Variants in EIF4ENIF1 observed in about 807,000 individuals in gnomAD.
EIF4ENIF1 encodes the protein eukaryotic translation initiation factor 4E transporter.
EIF4ENIF1 carries 23 observed loss-of-function variants against 110.5 expected under a neutral mutation model. The ratio of observed to expected loss-of-function variants is 0.21; its 90% CI spans 0.15 to 0.29. EIF4ENIF1 has a LOEUF of 0.29. Ranked by LOEUF, EIF4ENIF1 falls within the 10% of genes least tolerant of loss-of-function variation. The pLI, the probability that EIF4ENIF1 is intolerant of heterozygous loss-of-function variation, is 1.00. For missense variants in EIF4ENIF1, 1,031 were observed against 1,221.1 expected (o/e 0.84, Z 2.32); for synonymous variants, 440 against 437.0 (o/e 1.01, Z -0.09).
chr22:31,456,046 A>C lies in EIF4ENIF1; in HGVS notation c.964-59T>G. ...TAGATGAAAAAGGACAAGAAGGTTT[A>C]AATCTTATGAAAGGGTCACTTACTT... On this transcript the variant is annotated intron_variant, in intron 7 of 18. Coordinates refer to ENST00000330125, the MANE Select transcript of EIF4ENIF1 (RefSeq NM_019843.4). 3.8e-6 allele frequency: 6 copies of C among 1,563,804 alleles called. No homozygotes were observed. In the South Asian group the frequency reaches 6.9e-5, roughly 18 times the overall value.
intron 10 of EIF4ENIF1, chr22:31,450,889 ACAC>A: frequency 1.3e-5 from 2 of 159,682 alleles, no homozygotes; most frequent in Middle Eastern, 6.3e-3. Flanking sequence ...ACACACACAC[ACAC>A]ACAAAAGAGA....
Position 31,463,624 on chromosome 22 carries a change from C to T in EIF4ENIF1, c.585+57G>A, listed in dbSNP as rs1163825889. ...TCGTGCCATTGCACTCCAGCCTGGGCAACAAGAGCGAAACTCCGTCTCAAT... is the reference window on the plus strand; with the variant it reads ...TCGTGCCATTGCACTCCAGCCTGGGTAACAAGAGCGAAACTCCGTCTCAAT... On this transcript the variant is annotated intron_variant, in intron 5 of 18. Coordinates refer to ENST00000330125, the MANE Select transcript of EIF4ENIF1 (RefSeq NM_019843.4). The T allele has an allele frequency of 2.1e-6, 3 of 1,443,288 alleles. No individual in the cohort carries two copies. In the African/African-American group the frequency reaches 4.8e-5, roughly 23 times the overall value. The allele number at this position is 1,443,288 out of a possible 1,614,324, so 89.4% of individuals were successfully genotyped here. A position where few individuals can be genotyped will look rare whatever the true frequency, so the allele number is the denominator to read the frequency against.
In EIF4ENIF1 at chr22:31,442,036, C is replaced by T. The variant is rs369647505; in HGVS notation, c.2289G>A (p.Gln763=). The T allele has an allele frequency of 1.2e-5, 20 of 1,614,042 alleles. No individual in the cohort carries two copies. The African/African-American group carries it at 2.5e-4, about 20-fold the overall frequency. ...ACAGTGGGGTGGAACACGAAGACCT[C>T]TGTAATGCTGACAGTTTGGAATTTG... is the stretch of plus-strand genomic sequence containing the variant. ...PTTNSKLSAL[Q]RSSCSTPLSQ... Residue 763 remains glutamine, a synonymous_variant, in exon 17 of 19, where the codon CAG becomes CAA. Transcript: ENST00000330125.
rs372740127 is a variant in EIF4ENIF1, at chr22:31,450,844, TACACACACACACAC to T, written c.1513-498_1513-485del. ...CATACATACACACATATATATATACTACACACACACACACACACACACACACACACACACACACA... is the reference window on the plus strand; with the variant it reads ...CATACATACACACATATATATATACTACACACACACACACACACACACACA... On this transcript the variant is annotated intron_variant, in intron 10 of 18. Coordinates refer to ENST00000330125, the MANE Select transcript of EIF4ENIF1 (RefSeq NM_019843.4). 5.3e-3 allele frequency: 640 copies of T among 121,098 alleles called. 5 individuals are homozygous for T. Among genetic ancestry groups the T allele is most frequent in the African/African-American group, 0.018 (529 of 29,788 alleles). 7.5% of individuals were successfully genotyped at this position (121,098 alleles called of 1,614,324 possible).
intron 2 of EIF4ENIF1, among the ~76,000 whole-genome samples, chr22:31,478,592 C>A (rs956893877): frequency 5.3e-5 from 8 of 150,380 alleles, no homozygotes; most frequent in African/African-American, 2.0e-4. Flanking sequence ...CCAAGGCGGG[C>A]GGATCACGAG....
intron 3 of EIF4ENIF1, among the ~76,000 whole-genome samples, chr22:31,471,120 C>T (rs2051362084): frequency 6.6e-6 from 1 of 151,772 alleles, no homozygotes; most frequent in African/African-American, 2.4e-5. Context: ...TCTTCCCAAA[C>T]CAAAGCCTTC....
intron 5 of EIF4ENIF1, 37 bp downstream of exon 5, chr22:31,463,644 C>T (rs1467974573): frequency 3.4e-6 from 5 of 1,472,920 alleles, no homozygotes; most frequent in African/African-American, 1.6e-5. Context: ...GAAACTCCGT[C>T]TCAATTTAAA....
chr22:31,450,043 G>A (rs1190148052), intron 11 of EIF4ENIF1, among the ~76,000 whole-genome samples: 1 of 152,148 alleles, frequency 6.6e-6, no homozygotes, highest in Non-Finnish European at 1.5e-5. Context: ...ATACTTTTAA[G>A]TTTCACAGAA....
chr22:31,473,414 G>A (rs2051458564), intron 2 of EIF4ENIF1, among the ~76,000 whole-genome samples: 1 of 152,000 alleles, frequency 6.6e-6, no homozygotes, highest in South Asian at 2.1e-4. Flanking sequence ...TTCCAGTTTT[G>A]TAAATTGACC....
At chr22:31,465,122 G>A (rs972591286) in intron 4 of EIF4ENIF1, among the ~76,000 whole-genome samples, 5 of 151,980 alleles carry the variant, frequency 3.3e-5, no homozygotes, top group South Asian at 2.1e-4. Flanking sequence ...TTAGGAGTTC[G>A]AGACTAGCCT....
chr22:31,446,664 G>A (rs1473022692), intron 14 of EIF4ENIF1, among the ~76,000 whole-genome samples: 1 of 152,096 alleles, frequency 6.6e-6, no homozygotes, highest in African/African-American at 2.4e-5. Flanking sequence ...TTTAAAGGCT[G>A]GACAGTGGAG....
intron 14 of EIF4ENIF1, among the ~76,000 whole-genome samples, chr22:31,445,839 T>C (rs532389058): frequency 1.1e-4 from 16 of 152,210 alleles, no homozygotes; most frequent in African/African-American, 3.6e-4. Context: ...AAGAGGCTGA[T>C]GCTGATCCAA....
upstream of EIF4ENIF1, among the ~76,000 whole-genome samples, chr22:31,492,012 C>T (rs1204897185): frequency 6.6e-6 from 1 of 152,172 alleles, no homozygotes; most frequent in Non-Finnish European, 1.5e-5. Flanking sequence ...CCAGTGGGGG[C>T]AGCCCAAAGG....
intron 1 of EIF4ENIF1, chr22:31,489,081 G>A (rs944624027): frequency 2.4e-5 from 5 of 206,228 alleles, no homozygotes; most frequent in Non-Finnish European, 4.0e-5. Context: ...TTCCCGGAGT[G>A]GGGGCAGGTA....
chr22:31,455,919 C>T lies in EIF4ENIF1; in HGVS notation c.1032G>A (p.Pro344=), dbSNP rs748945170. The part of the protein sequence containing the change: ...ASRFSRWFSN[P]SRSGSRSSSL... ...TGCTGGATCGGCTTCCTGATCTGCT[C>T]GGGTTAGAGAACCACCTACTGAACC... The change falls in exon 8 of 19, where the codon CCG becomes CCA. Residue 344 remains proline (P), a synonymous_variant. Transcript: ENST00000330125. 5.5e-5 allele frequency: 88 copies of T among 1,613,990 alleles called. No homozygotes were observed. Among genetic ancestry groups the T allele is most frequent in the South Asian group, 3.0e-4 (27 of 91,080 alleles).
At chr22:31,454,092 A>C in intron 10 of EIF4ENIF1, 52 bp downstream of exon 10, 1 of 1,526,458 alleles carries the variant, frequency 6.6e-7, no homozygotes, top group Non-Finnish European at 9.0e-7. Flanking sequence ...GTGGTGGGAA[A>C]AAGAAGAAAA....
At chr22:31,449,698 A>G (rs1019477790) in intron 11 of EIF4ENIF1, among the ~76,000 whole-genome samples, 167 bp from the exon 12 acceptor site, 17 of 151,776 alleles carry the variant, frequency 1.1e-4, no homozygotes, top group African/African-American at 4.1e-4. Flanking sequence ...TCAGCTAGCA[A>G]CATATGCTCT....
At chr22:31,486,922 A>AG (rs1038316448) in intron 2 of EIF4ENIF1, among the ~76,000 whole-genome samples, 3 of 147,518 alleles carry the variant, frequency 2.0e-5, no homozygotes, top group Non-Finnish European at 4.5e-5. Context: ...CTCTACTATA[A>AG]AAAAAAAAAA....
chr22:31,481,197 C>A (rs1164579372), intron 2 of EIF4ENIF1, among the ~76,000 whole-genome samples: 1 of 152,142 alleles, frequency 6.6e-6, no homozygotes, highest in Non-Finnish European at 1.5e-5. Flanking sequence ...GAGTCTCACT[C>A]TGTTGCCCAT....
Sources: allele counts gnomAD v4.1 joint callset (sites outside exome capture counted in the v4.1 genomes callset), GRCh38; gene constraint gnomAD v4.1.1; transcripts MANE v1.5; gene names NCBI Gene and HGNC (gene_info 2026-07-23, HGNC 2026-07-21).